Variants in PLA2G4F observed in about 807,000 individuals in gnomAD.
PLA2G4F encodes cytosolic phospholipase A2 zeta.
PLA2G4F carries 105 observed loss-of-function variants against 103.1 expected under a neutral mutation model. That is an observed-to-expected ratio of 1.02 (90% CI 0.87 to 1.20). The LOEUF is 1.20. Ranked by LOEUF, PLA2G4F falls within the 50% of genes most tolerant of loss-of-function variation. The pLI, the probability that PLA2G4F is intolerant of heterozygous loss-of-function variation, is 0.00. For missense variants in PLA2G4F, 1,155 were observed against 1,075.9 expected, an observed-to-expected ratio of 1.07 and a Z score of -1.03; for synonymous variants, 468 against 441.1, an observed-to-expected ratio of 1.06 and a Z score of -0.76.
At chr15:42,152,448 G>A (rs1411961572) in intron 7 of PLA2G4F, among the ~76,000 whole-genome samples, 2 of 152,246 alleles carry the variant, frequency 1.3e-5, no homozygotes, top group South Asian at 2.1e-4. Flanking sequence ...CTGCTTGTAT[G>A]CCACTGAGAT....
At position 42,147,280 on chromosome 15, in the gene PLA2G4F, A is replaced by T. The variant is rs2048901127; in HGVS notation, c.1263T>A (p.Arg421=). ...SQVALQGPIE[R]AQVHVCSSKM... is the part of the protein sequence containing the mutation. ...TACTGCTGCAGACGTGAACCTGGGC[A>T]CGCTCAATGGGGCCCTGCAAGGCCA... The change falls in exon 13 of 20, where the codon CGT becomes CGA. Residue 421 remains arginine, a synonymous_variant. Coordinates refer to ENST00000397272, the MANE Select transcript of PLA2G4F (RefSeq NM_213600.4). 6.2e-7 allele frequency: 1 copy of T among 1,611,286 alleles called. No individual in the cohort carries two copies. The highest frequency in any genetic ancestry group is 1.3e-5 in the African/African-American group (1 of 74,780).
rs149128134 is a variant in PLA2G4F, at chr15:42,147,672, G to A, written c.1150C>T (p.Leu384Phe). 4.7e-4 allele frequency: 755 copies of A among 1,614,094 alleles called. No homozygotes were observed. Among genetic ancestry groups the A allele is most frequent in the Non-Finnish European group, 6.0e-4 (710 of 1,179,998 alleles). ...CTCAGGTAGGTCACAGTGTCTAGAA[G>A]GCCGAGCTCCTGCAACCCTGCCAGG... ...GSLAGLQELG[L>F]LDTVTYLSGV... is the part of the protein sequence containing the mutation. Residue 384 changes from leucine to phenylalanine, a missense_variant, in exon 12 of 20, where the codon CTT becomes TTT. Physicochemically the swap from Leu to Phe is conservative, Grantham distance 22. This residue lies in a region of PLA2G4F where 782 missense variants were observed against 692.9 expected (regional missense o/e 1.13). Coordinates refer to ENST00000397272, the MANE Select transcript of PLA2G4F (RefSeq NM_213600.4).
intron 19 of PLA2G4F, 23 bp from the exon 20 acceptor site, chr15:42,142,227 A>G (rs1053881420): frequency 2.5e-6 from 4 of 1,591,900 alleles, no homozygotes; most frequent in Middle Eastern, 1.7e-4. Flanking sequence ...GAAGCAGAGG[A>G]GAGGCCAGGA....
At position 42,145,622 on chromosome 15, in the gene PLA2G4F, G is replaced by T. The variant is rs146007650; in HGVS notation, c.1733C>A (p.Ser578Ter). 1 of 1,613,936 alleles carries T rather than the reference G, an allele frequency of 6.2e-7. No individual in the cohort carries two copies. Among genetic ancestry groups the T allele is most frequent in the South Asian group, 1.1e-5 (1 of 91,072 alleles). ...GTACCACTCCAGGAAGCTGAGGCCC[G>T]AGCCGGCGGTCTTTAGGAAGATCTC... ...LDEIFLKTAGSGLSFLEWYRG... is the reference protein window; with the variant it reads ...LDEIFLKTAG Residue 578 changes from serine (S) to a stop codon, truncating the protein, a stop_gained, in exon 16 of 20, where the codon TCG becomes TAG. Transcript: ENST00000397272. LOFTEE classifies it high-confidence loss of function.
intron 2 of PLA2G4F, 56 bp from the exon 3 acceptor site, chr15:42,154,514 T>G: frequency 6.7e-7 from 1 of 1,494,492 alleles, no homozygotes; most frequent in Non-Finnish European, 8.9e-7. Context: ...TGAAAAGGTT[T>G]CCTTGGGGAG....
rs994593616 is a variant in PLA2G4F at position 42,140,227 on chromosome 15, C to G, written c.*1757G>C. 6.6e-6 allele frequency: 1 copy of G among 152,198 alleles called. No individual in the cohort carries two copies. Among genetic ancestry groups the G allele is most frequent in the South Asian group, 2.1e-4 (1 of 4,830 alleles). The allele number at this position is 152,198 out of a possible 1,614,324, so 9.4% of individuals were successfully genotyped here. ...AGCACCTACCATGTATCAACTGCTG[C>G]TCTAGGCACTGAGGATACAGCAGTG... is the stretch of plus-strand genomic sequence containing the variant. On this transcript the variant is annotated 3_prime_UTR_variant, in exon 20 of 20. Transcript: ENST00000397272.
At chr15:42,150,991 C>T (rs1462482557) in intron 7 of PLA2G4F, 3 of 985,040 alleles carry the variant, frequency 3.0e-6, no homozygotes, top group East Asian at 1.1e-4. Flanking sequence ...AACTGGGACT[C>T]GGGAAGGGTG....
At chr15:42,151,202 T>G (rs1371290383) in intron 7 of PLA2G4F, 1 of 985,314 alleles carries the variant, frequency 1.0e-6, no homozygotes, top group African/African-American at 1.7e-5. Context: ...AGAAAACCAG[T>G]AGGCTGCAAG....
Position 42,142,054 on chromosome 15 carries a change from A to G in PLA2G4F, c.2480T>C (p.Val827Ala). ...ALSRYNVLNN[V>A]ETLKCALQLA... ...CTGGAGGGCGCACTTCAAGGTCTCC[A>G]CGTTGTTCAGGACGTTGTATCGACT... The change falls in exon 20 of 20, where the codon GTG (valine) becomes GCG (alanine). Residue 827 changes from valine to alanine, a missense_variant. Val to Ala is a moderately conservative substitution (Grantham distance 64). Transcript: ENST00000397272. 2 of 1,614,162 alleles carry G rather than the reference A, an allele frequency of 1.2e-6. No individual in the cohort carries two copies. Among genetic ancestry groups the G allele is most frequent in the South Asian group, 1.1e-5 (1 of 91,082 alleles).
At chr15:42,143,924 C>T (rs1211059130) in intron 18 of PLA2G4F, 54 bp downstream of exon 18, 17 of 1,529,378 alleles carry the variant, frequency 1.1e-5, no homozygotes, top group Non-Finnish European at 1.5e-5. Flanking sequence ...TCCTCCCTCA[C>T]CCTTTCTGTC....
At chr15:42,149,221 G>A (rs1189663578) in intron 11 of PLA2G4F, 2 of 939,372 alleles carry the variant, frequency 2.1e-6, no homozygotes, top group Non-Finnish European at 2.5e-6. Flanking sequence ...TTGGAAACAG[G>A]GCCTACAAGG....
Position 42,150,615 on chromosome 15 carries a change from G to T in PLA2G4F, c.764C>A (p.Ala255Asp). 6.2e-7 allele frequency: 1 copy of T among 1,608,392 alleles called. No homozygotes were observed. The highest frequency in any genetic ancestry group is 8.5e-7 in the Non-Finnish European group (1 of 1,177,344). The part of the protein sequence containing the change: ...LHVELMELLA[A>D]VQSGPSAELE... ...TCCTGGCGGCGCACTCACCTGCACAGCTGCCAGCAGCTCCATCAGCTCCAC... is the reference window on the plus strand; with the variant it reads ...TCCTGGCGGCGCACTCACCTGCACATCTGCCAGCAGCTCCATCAGCTCCAC... Residue 255 changes from alanine to aspartate, a missense_variant, in exon 8 of 20, where the codon GCT becomes GAT. By Grantham distance (126) the Ala-to-Asp change is moderately radical. Transcript: ENST00000397272.
rs1368023937 is a variant in PLA2G4F, at chr15:42,146,192, T to C, written c.1469A>G (p.Gln490Arg). ...ACTGGTGTAAATGGGGTAAGGGTTC[T>C]GACCCTGGCGGACCGCCTCCTGTTG... Reference protein sequence around the residue: ...SDQQEAVRQGQNPYPIYTSVN... With the variant: ...SDQQEAVRQGRNPYPIYTSVN... The change falls in exon 14 of 20, where the codon CAG becomes CGG. Residue 490 changes from glutamine (Q) to arginine (R), a missense_variant. Transcript: ENST00000397272. 2.5e-6 allele frequency: 4 copies of C among 1,614,282 alleles called. 1 individual carries two copies. In the South Asian group the frequency reaches 4.4e-5, roughly 18 times the overall value.
intron 11 of PLA2G4F, chr15:42,148,785 C>T (rs2048921246): frequency 3.0e-6 from 3 of 985,296 alleles, no homozygotes; most frequent in Non-Finnish European, 3.6e-6. Context: ...GCTCATTCCA[C>T]TCTGGATTTT....
rs1379695996 is a variant in PLA2G4F, at chr15:42,141,618, C to T, written c.*366G>A. ...GCTGGCTTCTCAGTGCCCTCAGCCC[C>T]TGTTCTGTGTGGGTCTGAGGACTTG... On this transcript the variant is annotated 3_prime_UTR_variant, in exon 20 of 20. Transcript: ENST00000397272. 4.2e-6 allele frequency: 2 copies of T among 477,962 alleles called. No individual in the cohort carries two copies. The highest frequency in any genetic ancestry group is 8.3e-6 in the Non-Finnish European group (2 of 241,976). 29.6% of individuals were successfully genotyped at this position (477,962 alleles called of 1,614,324 possible).
chr15:42,142,070 T>C lies in PLA2G4F; in HGVS notation c.2464A>G (p.Asn822Asp). ...AAGGTCTCCACGTTGTTCAGGACGT[T>C]GTATCGACTGAGGGCCACCAGCCGA... The part of the protein sequence containing the change: ...FYRLVALSRY[N>D]VLNNVETLKC... Residue 822 changes from asparagine to aspartate, a missense_variant, in exon 20 of 20, where the codon AAC becomes GAC. Physicochemically the swap from Asn to Asp is conservative, Grantham distance 23. Transcript: ENST00000397272. 6.2e-7 allele frequency: 1 copy of C among 1,614,176 alleles called. No individual in the cohort carries two copies. The highest frequency in any genetic ancestry group is 8.5e-7 in the Non-Finnish European group (1 of 1,180,026).
chr15:42,148,930 T>A, intron 11 of PLA2G4F: 1 of 985,370 alleles, frequency 1.0e-6, no homozygotes, highest in Non-Finnish European at 1.2e-6. Flanking sequence ...GCATACATAT[T>A]GCCCCAATGA....
Position 42,145,759 on chromosome 15 carries a change from G to T in PLA2G4F, c.1672+7C>A. The T allele has an allele frequency of 6.2e-7, 1 of 1,613,970 alleles. No individual in the cohort carries two copies. The highest frequency in any genetic ancestry group is 1.1e-5 in the South Asian group (1 of 91,050). On this transcript the variant is annotated splice_region_variant and intron_variant, in intron 15 of 19. Transcript: ENST00000397272. ...TGCCTGTCCCCAGCCCTCCAGCCTC[G>T]ACTCACCTTGCAGGTAACAGATCCG...
At position 42,147,759 on chromosome 15, in the gene PLA2G4F, G is replaced by T. The variant is rs546219139; in HGVS notation, c.1063C>A (p.Pro355Thr). 1 of 1,613,272 alleles carries T rather than the reference G, an allele frequency of 6.2e-7. No homozygotes were observed. The highest frequency in any genetic ancestry group is 1.7e-5 in the Admixed American group (1 of 59,992). The change falls in exon 12 of 20, where the codon CCT (proline) becomes ACT (threonine). Residue 355 changes from proline to threonine, a missense_variant. Physicochemically the swap from Pro to Thr is conservative, Grantham distance 38. This residue lies in a region of PLA2G4F where 782 missense variants were observed against 692.9 expected (regional missense o/e 1.13). Coordinates refer to ENST00000397272, the MANE Select transcript of PLA2G4F (RefSeq NM_213600.4). ...CCGGAACCCAACACAGCCACTACAG[G>T]CACCTGGGTACAATAATAACAAGGA... ...LSEALDSGQV[P>T]VVAVLGSGGG...
Sources: allele counts gnomAD v4.1 joint callset (sites outside exome capture counted in the v4.1 genomes callset), GRCh38; gene constraint gnomAD v4.1.1; regional missense constraint gnomAD v4.1.1; transcripts MANE v1.5; gene names NCBI Gene and HGNC (gene_info 2026-07-23, HGNC 2026-07-21).